The following MAML2 variants were observed in gnomAD, a reference collection of about 807,000 sequenced individuals.
MAML2 encodes mastermind like transcriptional coactivator 2, also known as mastermind-like protein 2.
MAML2 carries 22 observed loss-of-function variants against 96.1 expected under a neutral mutation model. The observed-to-expected ratio is 0.23, with a 90% CI of 0.16 to 0.33. MAML2 has a LOEUF of 0.33. Among genes scored for constraint, MAML2 ranks in the 10% least tolerant of loss-of-function variants. MAML2 has a pLI of 1.00. For missense variants in MAML2, 1,367 were observed against 1,392.4 expected, an observed-to-expected ratio of 0.98 and a Z score of 0.29; for synonymous variants, 561 against 521.3, an observed-to-expected ratio of 1.08 and a Z score of -1.04.
At chr11:96,172,861 A>G (rs1401733703) in intron 1 of MAML2, among the ~76,000 whole-genome samples, 1 of 152,250 alleles carries the variant, frequency 6.6e-6, no homozygotes, top group Non-Finnish European at 1.5e-5. Flanking sequence ...ACATGTGTAC[A>G]GATGGAAAAA....
chr11:96,140,220 A>G (rs1014368416), intron 1 of MAML2, among the ~76,000 whole-genome samples: 2 of 152,246 alleles, frequency 1.3e-5, no homozygotes, highest in African/African-American at 4.8e-5. Flanking sequence ...GACTAAAGGA[A>G]GAAAATTAAT....
At chr11:96,277,933 T>TC (rs397701985) in intron 1 of MAML2, among the ~76,000 whole-genome samples, 3 of 151,220 alleles carry the variant, frequency 2.0e-5, no homozygotes, top group East Asian at 1.9e-4. Flanking sequence ...TTTTTTTTTT[T>TC]CCATTCTCCA....
chr11:96,005,482 G>A (rs1858164828), intron 2 of MAML2, among the ~76,000 whole-genome samples: 1 of 152,124 alleles, frequency 6.6e-6, no homozygotes, highest in African/African-American at 2.4e-5. Context: ...AAATACCACT[G>A]TGATGAAATA....
chr11:96,128,268 C>T (rs1405177957), intron 1 of MAML2, among the ~76,000 whole-genome samples: 1 of 152,042 alleles, frequency 6.6e-6, no homozygotes, highest in African/African-American at 2.4e-5. Context: ...GTGGCTCATG[C>T]CTGTAGTCCC....
At chr11:96,174,893 T>A (rs1313893577) in intron 1 of MAML2, among the ~76,000 whole-genome samples, 1 of 152,270 alleles carries the variant, frequency 6.6e-6, no homozygotes, top group East Asian at 1.9e-4. Context: ...TTAAGGGACA[T>A]CTTCTTGTCT....
intron 2 of MAML2, among the ~76,000 whole-genome samples, chr11:96,076,432 TCACACACACACACACACA>T (rs57102762): frequency 3.9e-5 from 4 of 103,044 alleles, no homozygotes; most frequent in South Asian, 3.3e-4. Flanking sequence ...TCTCTCTCTC[TCACACACACACACACACA>T]CACACACACA....
chr11:96,253,578 TG>T (rs1381701710), intron 1 of MAML2, among the ~76,000 whole-genome samples: 9 of 152,228 alleles, frequency 5.9e-5, no homozygotes, highest in African/African-American at 2.2e-4. Flanking sequence ...GGATTTTTGC[TG>T]GTAGTACACT....
chr11:96,101,877 T>C lies in MAML2; in HGVS notation c.514-8360A>G, dbSNP rs144437483. 2.0e-5 allele frequency among the ~76,000 whole-genome samples: 3 copies of C among 152,368 alleles called. 1 individual carries two copies. The East Asian group carries it at 5.8e-4, about 29-fold the overall frequency. ...TTTGTTTACCCATTCATTCAACAGA[T>C]ACTTATTTAGCACCAGCTGTATATT... On this transcript the variant is annotated intron_variant, in intron 1 of 4. Transcript: ENST00000524717.
At chr11:96,055,785 G>A (rs931034103) in intron 2 of MAML2, among the ~76,000 whole-genome samples, 10 of 152,140 alleles carry the variant, frequency 6.6e-5, no homozygotes, top group African/African-American at 9.7e-5. Flanking sequence ...TATGTGAAAT[G>A]GAGTCATACT....
chr11:96,226,535 G>T (rs1862211777), intron 1 of MAML2, among the ~76,000 whole-genome samples: 1 of 152,142 alleles, frequency 6.6e-6, no homozygotes, highest in South Asian at 2.1e-4. Flanking sequence ...CTAGAGGAAA[G>T]ATTTTTTTTC....
rs187853487 is a variant in MAML2 at position 96,213,394 on chromosome 11, T to A, written c.514-119877A>T. 4.8e-3 allele frequency among the ~76,000 whole-genome samples: 724 copies of A among 152,310 alleles called. 5 individuals carry two copies. Among genetic ancestry groups the A allele is most frequent in the Middle Eastern group, 0.01 (3 of 294 alleles). ...CTCCTAATTCTACTCTACTTTATGA[T>A]CTTTTAAAGACCAGTAATTACATTA... On this transcript the variant is annotated intron_variant, in intron 1 of 4. Transcript: ENST00000524717.
intron 2 of MAML2, among the ~76,000 whole-genome samples, chr11:96,024,305 A>G (rs1022687052): frequency 6.6e-6 from 1 of 152,250 alleles, no homozygotes; most frequent in African/African-American, 2.4e-5. Context: ...GCAATCTTGT[A>G]AAAGTAGTTT....
At chr11:96,079,735 T>A (rs374731934) in intron 2 of MAML2, among the ~76,000 whole-genome samples, 1 of 152,054 alleles carries the variant, frequency 6.6e-6, no homozygotes, top group African/African-American at 2.4e-5. Context: ...GACCATCAGA[T>A]GAAATGCAAC....
At chr11:96,021,839 G>A (rs1439635758) in intron 2 of MAML2, among the ~76,000 whole-genome samples, 1 of 152,224 alleles carries the variant, frequency 6.6e-6, no homozygotes, top group Non-Finnish European at 1.5e-5. Context: ...GTAATGCCAA[G>A]AACTGAGGGA....
intron 1 of MAML2, among the ~76,000 whole-genome samples, chr11:96,297,799 T>A (rs929197830): frequency 6.6e-6 from 1 of 152,170 alleles, no homozygotes; most frequent in African/African-American, 2.4e-5. Context: ...TTAAAGCAAA[T>A]CCCGGCCATA....
At chr11:96,039,285 C>T (rs1223618178) in intron 2 of MAML2, among the ~76,000 whole-genome samples, 3 of 128,458 alleles carry the variant, frequency 2.3e-5, no homozygotes, top group Non-Finnish European at 4.8e-5. Flanking sequence ...GAGGAGGAGA[C>T]AGAGGTGAGA....
chr11:96,066,383 A>G (rs1859246488), intron 2 of MAML2, among the ~76,000 whole-genome samples: 1 of 152,216 alleles, frequency 6.6e-6, no homozygotes, highest in South Asian at 2.1e-4. Flanking sequence ...GAGAAGATCA[A>G]GGTCTCCATC....
At chr11:96,091,736 G>A (rs976654619) in intron 2 of MAML2, among the ~76,000 whole-genome samples, 156 bp downstream of exon 2, 2 of 152,102 alleles carry the variant, frequency 1.3e-5, no homozygotes, top group Non-Finnish European at 1.5e-5. Context: ...TGCCCTCAAC[G>A]AACCAGGCTT....
At chr11:96,174,205 A>C (rs1861347234) in intron 1 of MAML2, among the ~76,000 whole-genome samples, 1 of 152,130 alleles carries the variant, frequency 6.6e-6, no homozygotes, top group Non-Finnish European at 1.5e-5. Context: ...ATGAGGTCAC[A>C]TAAGATCTAA....
Sources: gnomAD v4.1 joint callset for allele counts (sites outside exome capture counted in the v4.1 genomes callset) on GRCh38, gnomAD v4.1.1 for gene constraint, MANE v1.5 for transcripts, NCBI Gene and HGNC (gene_info 2026-07-23, HGNC 2026-07-21) for gene names.